The following NBEA variants were observed in gnomAD, a reference collection of about 807,000 sequenced individuals.
The protein encoded by NBEA is neurobeachin.
A neutral mutation model predicts 343.4 loss-of-function variants in NBEA; 44 were observed. The ratio of observed to expected loss-of-function variants is 0.13; its 90% CI spans 0.10 to 0.16. The LOEUF (loss-of-function observed/expected upper bound fraction) is 0.16, where lower values mean the gene tolerates loss of function less well. NBEA is among the 10% of genes least tolerant of loss of function. The pLI, the probability that NBEA is intolerant of heterozygous loss-of-function variation, is 1.00. For synonymous variants in NBEA, 1,175 were observed against 1,238.7 expected (o/e 0.95, Z 1.08); for missense variants, 2,555 against 3,631.3 (o/e 0.70, Z 7.62).
intron 41 of NBEA, among the ~76,000 whole-genome samples, chr13:35,490,585 C>G (rs1482887044): frequency 6.6e-6 from 1 of 151,912 alleles, no homozygotes; most frequent in Non-Finnish European, 1.5e-5. Flanking sequence ...GCTAAACACT[C>G]GAAAACATGT....
intron 36 of NBEA, among the ~76,000 whole-genome samples, chr13:35,335,871 G>A (rs981564665): frequency 3.0e-4 from 45 of 152,088 alleles, no homozygotes; most frequent in African/African-American, 1.0e-3. Flanking sequence ...TTCGCATGCC[G>A]GGGGCTACAT....
At chr13:35,424,646 G>A (rs2044531313) in intron 38 of NBEA, among the ~76,000 whole-genome samples, 1 of 152,138 alleles carries the variant, frequency 6.6e-6, no homozygotes, top group Admixed American at 6.6e-5. Context: ...TTTGGTATCA[G>A]GATGATGCTG....
chr13:35,164,769 T>C (rs1566393664), intron 24 of NBEA, among the ~76,000 whole-genome samples: 1 of 152,196 alleles, frequency 6.6e-6, no homozygotes, highest in African/African-American at 2.4e-5. Flanking sequence ...AGATATTGTA[T>C]ATCTCTTCAA....
intron 49 of NBEA, among the ~76,000 whole-genome samples, chr13:35,641,090 A>T (rs1157032687): frequency 6.7e-6 from 1 of 149,800 alleles, no homozygotes; most frequent in African/African-American, 2.5e-5. Flanking sequence ...AGAAATAATT[A>T]TTATAATTAT....
intron 41 of NBEA, among the ~76,000 whole-genome samples, chr13:35,493,954 T>A (rs2076585643): frequency 6.6e-6 from 1 of 151,870 alleles, no homozygotes; most frequent in Non-Finnish European, 1.5e-5. Flanking sequence ...CAATAAATCT[T>A]TTAAAAATGA....
intron 13 of NBEA, among the ~76,000 whole-genome samples, chr13:35,115,906 G>A (rs1360201189): frequency 6.6e-6 from 1 of 152,070 alleles, no homozygotes; most frequent in Non-Finnish European, 1.5e-5. Flanking sequence ...CAAACCTAAG[G>A]CACAGAGATG....
At chr13:35,168,637 G>T (rs2070225276) in intron 24 of NBEA, among the ~76,000 whole-genome samples, 1 of 151,320 alleles carries the variant, frequency 6.6e-6, no homozygotes, top group African/African-American at 2.4e-5. Context: ...GAGGCATTAT[G>T]TTAGCTTATT....
intron 1 of NBEA, among the ~76,000 whole-genome samples, chr13:34,972,730 C>T (rs1226491077): frequency 6.6e-6 from 1 of 152,072 alleles, no homozygotes; most frequent in Non-Finnish European, 1.5e-5. Flanking sequence ...CTAAAGAGTG[C>T]TTTACTTCTG....
intron 45 of NBEA, among the ~76,000 whole-genome samples, chr13:35,575,334 A>T (rs2080684381): frequency 6.6e-6 from 1 of 152,214 alleles, no homozygotes; most frequent in African/African-American, 2.4e-5. Context: ...CACTTACAAG[A>T]ACGTAATTTT....
At chr13:35,467,128 A>G (rs557055763) in intron 40 of NBEA, among the ~76,000 whole-genome samples, 2 of 152,170 alleles carry the variant, frequency 1.3e-5, no homozygotes, top group East Asian at 3.9e-4. Flanking sequence ...CTTATTATTT[A>G]TTTCTATGGG....
intron 45 of NBEA, among the ~76,000 whole-genome samples, chr13:35,569,428 G>A (rs554650976): frequency 4.6e-5 from 7 of 152,246 alleles, no homozygotes; most frequent in Middle Eastern, 3.4e-3. Flanking sequence ...AACCTCGTAC[G>A]ATGACTACTA....
intron 31 of NBEA, among the ~76,000 whole-genome samples, chr13:35,199,683 G>A (rs771013486): frequency 2.0e-5 from 3 of 152,048 alleles, no homozygotes; most frequent in African/African-American, 4.8e-5. Context: ...TGTGTTCTAC[G>A]TCGAGTGTAT....
chr13:35,661,979 T>TC (rs770828791), intron 55 of NBEA, among the ~76,000 whole-genome samples: 8 of 152,106 alleles, frequency 5.3e-5, no homozygotes, highest in Admixed American at 1.3e-4. Flanking sequence ...GACCACAGCT[T>TC]CCCCTGCATA....
At chr13:35,340,888 G>A (rs1193543142) in intron 36 of NBEA, among the ~76,000 whole-genome samples, 1 of 74,174 alleles carries the variant, frequency 1.3e-5, no homozygotes, top group Admixed American at 1.6e-4. Context: ...TTTCAGAAAT[G>A]GAAAAGCTGA....
chr13:35,410,558 A>C (rs147679010), intron 38 of NBEA, among the ~76,000 whole-genome samples: 1 of 152,236 alleles, frequency 6.6e-6, no homozygotes, highest in East Asian at 1.9e-4. Flanking sequence ...GAAAAATGGA[A>C]TTAAAAGATA....
chr13:35,521,433 C>T (rs1032739151), intron 41 of NBEA, among the ~76,000 whole-genome samples: 3 of 152,132 alleles, frequency 2.0e-5, no homozygotes, highest in Non-Finnish European at 4.4e-5. Context: ...TGTAAAAGAT[C>T]ATTTATTTTA....
At chr13:35,207,511 T>A (rs2073475082) in intron 31 of NBEA, among the ~76,000 whole-genome samples, 1 of 152,184 alleles carries the variant, frequency 6.6e-6, no homozygotes, top group Non-Finnish European at 1.5e-5. Context: ...TGCAGTGCTA[T>A]AAACTTTGAG....
chr13:35,446,657 C>G (rs956232600), intron 39 of NBEA, among the ~76,000 whole-genome samples: 1 of 151,988 alleles, frequency 6.6e-6, no homozygotes, highest in Non-Finnish European at 1.5e-5. Context: ...ATATGAGGTG[C>G]AAAGAGGCCA....
intron 35 of NBEA, among the ~76,000 whole-genome samples, chr13:35,293,314 TTCTGATA>T (rs2035915772): frequency 6.6e-6 from 1 of 152,078 alleles, no homozygotes; most frequent in South Asian, 2.1e-4. Context: ...AATATTATCA[TTCTGATA>T]TATTTATCAT....
Sources: allele counts gnomAD v4.1 joint callset (sites outside exome capture counted in the v4.1 genomes callset), GRCh38; gene constraint gnomAD v4.1.1; transcripts MANE v1.5; gene names NCBI Gene and HGNC (gene_info 2026-07-23, HGNC 2026-07-21).